The following PCLO variants were observed in gnomAD, a reference collection of about 807,000 sequenced individuals.
PCLO encodes the protein piccolo presynaptic cytomatrix protein.
A neutral mutation model predicts 427.5 loss-of-function variants in PCLO; 82 were observed. The ratio of observed to expected loss-of-function variants is 0.19; its 90% CI spans 0.16 to 0.23. The LOEUF is 0.23. Among genes scored for constraint, PCLO ranks in the 10% least tolerant of loss-of-function variants. The pLI, the probability that PCLO is intolerant of heterozygous loss-of-function variation, is 1.00. For missense variants in PCLO, 6,239 were observed against 6,115.9 expected, an observed-to-expected ratio of 1.02 and a Z score of -0.67; for synonymous variants, 2,357 against 2,155.4, an observed-to-expected ratio of 1.09 and a Z score of -2.59.
intron 7 of PCLO, among the ~76,000 whole-genome samples, chr7:82,913,747 A>T (rs1282660166): frequency 6.6e-6 from 1 of 152,082 alleles, no homozygotes; most frequent in Admixed American, 6.6e-5. Flanking sequence ...TACTTGTACT[A>T]CTTGTTTATG....
intron 22 of PCLO, among the ~76,000 whole-genome samples, chr7:82,798,842 A>G (rs1198044376): frequency 6.6e-6 from 1 of 152,154 alleles, no homozygotes; most frequent in Non-Finnish European, 1.5e-5. Context: ...ACTATAAATA[A>G]CTCACATTAT....
At chr7:82,962,914 A>G (rs1053761817) in intron 4 of PCLO, among the ~76,000 whole-genome samples, 3 of 151,984 alleles carry the variant, frequency 2.0e-5, no homozygotes, top group Non-Finnish European at 4.4e-5. Flanking sequence ...AGAATATGAC[A>G]TTATTTTTGA....
At chr7:83,069,450 A>G (rs1789750532) in intron 3 of PCLO, among the ~76,000 whole-genome samples, 1 of 152,166 alleles carries the variant, frequency 6.6e-6, no homozygotes, top group Admixed American at 6.5e-5. Flanking sequence ...CATGTTGTAT[A>G]CCTTGAATAT....
chr7:82,939,245 T>G (rs1349757730), intron 6 of PCLO, among the ~76,000 whole-genome samples: 2 of 152,092 alleles, frequency 1.3e-5, no homozygotes, highest in African/African-American at 4.8e-5. Flanking sequence ...GTATTAGAAT[T>G]ATGATTGCTA....
chr7:82,950,860 T>C lies in PCLO; in HGVS notation c.9728A>G (p.Gln3243Arg), dbSNP rs771789290. The C allele has an allele frequency of 1.2e-6, 2 of 1,613,592 alleles. No homozygotes were observed. Among genetic ancestry groups the C allele is most frequent in the Non-Finnish European group, 1.7e-6 (2 of 1,179,854 alleles). ...GATCTTTTCTTGTTCTCGGAACCTTTGAATTTCCTGACGTTCCCACTCCAA... is the reference window on the plus strand; with the variant it reads ...GATCTTTTCTTGTTCTCGGAACCTTCGAATTTCCTGACGTTCCCACTCCAA... ...EELEWERQEI[Q>R]RFREQEKIMV... Residue 3243 changes from glutamine to arginine, a missense_variant, in exon 6 of 25, where the codon CAA becomes CGA. Gln to Arg is a conservative substitution (Grantham distance 43). This residue lies in a region of PCLO where 4,677 missense variants were observed against 4,468.4 expected (regional missense o/e 1.05). Transcript: ENST00000333891.
In PCLO at chr7:83,162,349, G is replaced by T; in HGVS notation, c.244C>A (p.His82Asn). 6.3e-7 allele frequency: 1 copy of T among 1,598,534 alleles called. No individual in the cohort carries two copies. The highest frequency in any genetic ancestry group is 8.5e-7 in the Non-Finnish European group (1 of 1,172,872). The change falls in exon 1 of 25, where the codon CAC (histidine) becomes AAC (asparagine). Residue 82 changes from histidine to asparagine, a missense_variant. Coordinates refer to ENST00000333891, the MANE Select transcript of PCLO (RefSeq NM_033026.6). ...TATACATCATGCTGTGCATGCCTGT[G>T]CATGGAAGGCGACTCCGCAGCGGCC... ...PPAAAESPSMHRKQELDSSHP... is the reference protein window; with the variant it reads ...PPAAAESPSMNRKQELDSSHP...
intron 20 of PCLO, among the ~76,000 whole-genome samples, chr7:82,812,050 C>T (rs1401364980): frequency 6.6e-6 from 1 of 151,330 alleles, no homozygotes; most frequent in African/African-American, 2.4e-5. Context: ...GTCATATTCA[C>T]ATAGTAGCTC....
At chr7:83,130,760 G>C (rs1024543062) in intron 3 of PCLO, among the ~76,000 whole-genome samples, 7 of 152,040 alleles carry the variant, frequency 4.6e-5, no homozygotes, top group Non-Finnish European at 1.0e-4. Flanking sequence ...ACAGAGTAAA[G>C]ATCTCAAAAA....
rs767287678 is a variant in PCLO, at chr7:82,916,566, C to T, written c.11420G>A (p.Arg3807Lys). ...KLRYLEMGIN[R>K]RKEALLKERE... The stretch of plus-strand genomic sequence containing the variant: ...CTCCTTTAATAGGGCCTCTTTCCTC[C>T]TGTTAATTCCCATTTCCAGGTATCG... The change falls in exon 7 of 25, where the codon AGG (arginine) becomes AAG (lysine). Residue 3807 changes from arginine to lysine, a missense_variant. Physicochemically the swap from Arg to Lys is conservative, Grantham distance 26. Transcript: ENST00000333891. 8 of 1,613,696 alleles carry T rather than the reference C, an allele frequency of 5.0e-6. No individual in the cohort carries two copies. The highest frequency in any genetic ancestry group is 6.8e-6 in the Non-Finnish European group (8 of 1,179,740).
At chr7:82,968,612 C>A (rs536738041) in intron 3 of PCLO, among the ~76,000 whole-genome samples, 1 of 150,558 alleles carries the variant, frequency 6.6e-6, no homozygotes, top group Admixed American at 6.7e-5. Context: ...CTCTGCCGCC[C>A]GGGTTCAAGA....
At chr7:83,108,924 G>T (rs1233438916) in intron 3 of PCLO, among the ~76,000 whole-genome samples, 1 of 152,076 alleles carries the variant, frequency 6.6e-6, no homozygotes, top group Non-Finnish European at 1.5e-5. Flanking sequence ...ATAACTACAG[G>T]CTGGTGCAAA....
At chr7:83,035,790 C>T (rs566782850) in intron 3 of PCLO, among the ~76,000 whole-genome samples, 1 of 152,038 alleles carries the variant, frequency 6.6e-6, no homozygotes, top group Non-Finnish European at 1.5e-5. Flanking sequence ...TGTGAATTAA[C>T]ATCTATTCTG....
In PCLO at chr7:82,955,999, C is replaced by T. The variant is rs200555866; in HGVS notation, c.4954G>A (p.Glu1652Lys). The T allele has an allele frequency of 9.5e-5, 154 of 1,613,328 alleles. No individual in the cohort carries two copies. The highest frequency in any genetic ancestry group is 1.3e-4 in the Non-Finnish European group (150 of 1,179,868). The change falls in exon 5 of 25, where the codon GAA becomes AAA. Residue 1652 changes from glutamate to lysine, a missense_variant. By Grantham distance (56) the Glu-to-Lys change is moderately conservative. Around this residue, in one of 5 missense-constraint regions of PCLO, gnomAD observed 4,677 missense variants for 4,468.4 expected, o/e 1.05. Transcript: ENST00000333891. ...CCAGTAACTACAAGTTCTTCACTTT[C>T]CTGACTTTTAGTTTCTCTGTATTTA... ...ELKYRETKSQ[E>K]SEELVVTGGG...
chr7:83,018,291 A>G (rs1273202571), intron 3 of PCLO, among the ~76,000 whole-genome samples: 1 of 152,020 alleles, frequency 6.6e-6, no homozygotes, highest in African/African-American at 2.4e-5. Context: ...ACATATATAA[A>G]GAATGTTAGA....
At chr7:82,766,143 C>T (rs1790527724) in intron 22 of PCLO, among the ~76,000 whole-genome samples, 1 of 152,024 alleles carries the variant, frequency 6.6e-6, no homozygotes, top group African/African-American at 2.4e-5. Context: ...AGTAGATGAA[C>T]AATGAGAGTA....
intron 10 of PCLO, among the ~76,000 whole-genome samples, chr7:82,858,626 C>A (rs1382705926): frequency 1.3e-5 from 2 of 151,990 alleles, no homozygotes; most frequent in Non-Finnish European, 2.9e-5. Context: ...AAATCAACAA[C>A]AAAAATCAGC....
intron 3 of PCLO, among the ~76,000 whole-genome samples, chr7:83,108,586 A>G (rs1790925874): frequency 6.6e-6 from 1 of 152,052 alleles, no homozygotes; most frequent in African/African-American, 2.4e-5. Context: ...CAAGGACACA[A>G]TCCTGAAACA....
chr7:83,136,180 A>G (rs563644168), intron 2 of PCLO, among the ~76,000 whole-genome samples: 13 of 152,184 alleles, frequency 8.5e-5, no homozygotes, highest in Non-Finnish European at 1.8e-4. Flanking sequence ...AAATCAAAAT[A>G]TAGTTTTGTG....
chr7:82,911,152 T>C (rs1360647878), intron 7 of PCLO, among the ~76,000 whole-genome samples: 4 of 152,112 alleles, frequency 2.6e-5, no homozygotes, highest in Non-Finnish European at 5.9e-5. Flanking sequence ...TTACCAATAA[T>C]TCTGATTATG....
Sources: allele counts gnomAD v4.1 joint callset (sites outside exome capture counted in the v4.1 genomes callset), GRCh38; gene constraint gnomAD v4.1.1; regional missense constraint gnomAD v4.1.1; transcripts MANE v1.5; gene names NCBI Gene and HGNC (gene_info 2026-07-23, HGNC 2026-07-21).